Variants in SLFN12L observed in about 807,000 individuals in gnomAD.
SLFN12L encodes the protein schlafen family member 12-like.
In SLFN12L, 34 loss-of-function variants were observed where a neutral mutation model predicts 34.8. That is an observed-to-expected ratio of 0.98 (90% CI 0.74 to 1.30). SLFN12L has a LOEUF of 1.30. SLFN12L is among the 50% of genes most tolerant of loss of function. SLFN12L has a pLI of 0.00. For synonymous variants in SLFN12L, 259 were observed against 247.5 expected (o/e 1.05, Z -0.44); for missense variants, 703 against 696.2 (o/e 1.01, Z -0.11).
rs116037294 is a variant in SLFN12L, at chr17:35,465,224, C to A, written c.*9699G>T. Among the ~76,000 whole-genome samples the A allele has an allele frequency of 6.6e-6, 1 of 152,136 alleles. No homozygotes were observed. The highest frequency in any genetic ancestry group is 6.5e-5 in the Admixed American group (1 of 15,274). On this transcript the variant is annotated 3_prime_UTR_variant, in exon 5 of 5. Transcript: ENST00000628453. The stretch of plus-strand genomic sequence containing the variant: ...TAACTTTAACATTTGCCAAAATGCA[C>A]CAATTGAGAAACCTCGTGGACTTAA...
chr17:35,488,002 A>T, intron 2 of SLFN12L: 3 of 656,072 alleles, frequency 4.6e-6, no homozygotes, highest in Non-Finnish European at 5.6e-6. Flanking sequence ...AGCTTAGGAG[A>T]TAGAGACCAT....
intron 2 of SLFN12L, among the ~76,000 whole-genome samples, chr17:35,504,100 A>G (rs543504450): frequency 6.6e-6 from 1 of 152,362 alleles, no homozygotes; most frequent in South Asian, 2.1e-4. Context: ...AAACTATTGC[A>G]TTTAATGCTT....
At chr17:35,498,507 C>G in intron 2 of SLFN12L, 1 of 1,221,286 alleles carries the variant, frequency 8.2e-7, no homozygotes, top group Non-Finnish European at 1.2e-6. Flanking sequence ...TCTCCTTTAT[C>G]CTCTCTTTGT....
chr17:35,498,213 G>T, intron 2 of SLFN12L: 1 of 757,200 alleles, frequency 1.3e-6, no homozygotes, highest in Non-Finnish European at 2.4e-6. Context: ...GGGATGTTCA[G>T]TCATGAAATG....
chr17:35,515,798 C>A (rs1398084349), intron 2 of SLFN12L, among the ~76,000 whole-genome samples: 1 of 151,818 alleles, frequency 6.6e-6, no homozygotes, highest in African/African-American at 2.4e-5. Flanking sequence ...AGCCCACCAC[C>A]ACACCCGGCT....
At chr17:35,506,818 C>T (rs1915477527) in intron 2 of SLFN12L, among the ~76,000 whole-genome samples, 1 of 152,170 alleles carries the variant, frequency 6.6e-6, no homozygotes, top group Non-Finnish European at 1.5e-5. Flanking sequence ...TCAAAAGACT[C>T]ACCCTGATAA....
At chr17:35,486,323 T>C (rs1464516166) in intron 2 of SLFN12L, among the ~76,000 whole-genome samples, 1 of 152,196 alleles carries the variant, frequency 6.6e-6, no homozygotes, top group Non-Finnish European at 1.5e-5. Flanking sequence ...TATCAGGCCT[T>C]GCCCTGGATG....
chr17:35,497,106 C>T (rs2142146539), intron 2 of SLFN12L, among the ~76,000 whole-genome samples: 1 of 152,246 alleles, frequency 6.6e-6, no homozygotes, highest in East Asian at 1.9e-4. Context: ...AAAAACAAAA[C>T]TAGACCGAGC....
Position 35,472,647 on chromosome 17 carries a change from T to C in SLFN12L, c.*2276A>G, listed in dbSNP as rs535570259. Reference sequence around the variant, plus strand: ...CTTTGATTCCATATGAAATTTAATTTCATTTAATTCTGATTTGATTCCATA... The same window carrying C: ...CTTTGATTCCATATGAAATTTAATTCCATTTAATTCTGATTTGATTCCATA... On this transcript the variant is annotated 3_prime_UTR_variant, in exon 5 of 5. Transcript: ENST00000628453. 6.6e-6 allele frequency among the ~76,000 whole-genome samples: 1 copy of C among 152,362 alleles called. No homozygotes were observed. The highest frequency in any genetic ancestry group is 2.4e-5 in the African/African-American group (1 of 41,578).
chr17:35,471,426 C>T lies in SLFN12L; in HGVS notation c.*3497G>A, dbSNP rs59812806. ...TGCTGGGATTACAGGCATGAGCCAC[C>T]GCGCCACGCCTGCATGTATCTTTAT... is the stretch of plus-strand genomic sequence containing the variant. On this transcript the variant is annotated 3_prime_UTR_variant, in exon 5 of 5. Coordinates refer to ENST00000628453, the MANE Select transcript of SLFN12L (RefSeq NM_001363830.2). 5.3e-3 allele frequency among the ~76,000 whole-genome samples: 814 copies of T among 152,234 alleles called. 6 individuals are homozygous for T. Among genetic ancestry groups the T allele is most frequent in the African/African-American group, 0.018 (764 of 41,534 alleles).
At chr17:35,480,546 T>A (rs911127517) in intron 2 of SLFN12L, 18 of 188,568 alleles carry the variant, frequency 9.5e-5, no homozygotes, top group Non-Finnish European at 1.8e-4. Flanking sequence ...ATTTTCTCAG[T>A]GGACAAGGTT....
Position 35,475,075 on chromosome 17 carries a change from C to G in SLFN12L, c.1687G>C (p.Glu563Gln), listed in dbSNP as rs1282869691. 2.5e-6 allele frequency: 4 copies of G among 1,614,078 alleles called. No homozygotes were observed. The South Asian group carries it at 4.4e-5, about 18-fold the overall frequency. The change falls in exon 5 of 5, where the codon GAA (glutamate) becomes CAA (glutamine). Residue 563 changes from glutamate to glutamine, a missense_variant. Transcript: ENST00000628453. ...TGAGCTGTTGTCCAATAGTAGGATT[C>G]AGGGTAAATTACTTGCGAGTTTAAA... ...YDLNSQVIYP[E>Q]SYYWTTAQTM...
chr17:35,474,798 G>C lies in SLFN12L; in HGVS notation c.*125C>G. ...AAAAAAAAAATTAGCCAGGTGTGGTGGCAGGCACATGTAATCCCAGCTACT... is the reference window on the plus strand; with the variant it reads ...AAAAAAAAAATTAGCCAGGTGTGGTCGCAGGCACATGTAATCCCAGCTACT... On this transcript the variant is annotated 3_prime_UTR_variant, in exon 5 of 5. Coordinates refer to ENST00000628453, the MANE Select transcript of SLFN12L (RefSeq NM_001363830.2). 1 of 937,764 alleles carries C rather than the reference G, an allele frequency of 1.1e-6. No individual in the cohort carries two copies. Among genetic ancestry groups the C allele is most frequent in the South Asian group, 1.8e-5 (1 of 54,944 alleles). The allele number at this position is 937,764 out of a possible 1,614,324, so 58.1% of individuals were successfully genotyped here. A position where few individuals can be genotyped will look rare whatever the true frequency, so the allele number is the denominator to read the frequency against.
intron 2 of SLFN12L, chr17:35,487,685 T>C (rs1276342443): frequency 2.0e-6 from 3 of 1,525,278 alleles, no homozygotes; most frequent in South Asian, 1.2e-5. Context: ...TTGTATTTTC[T>C]AAGGCGAAAA....
Position 35,479,482 on chromosome 17 carries a change from T to C in SLFN12L, c.800A>G (p.Tyr267Cys). The C allele has an allele frequency of 6.2e-7, 1 of 1,614,190 alleles. No homozygotes were observed. The highest frequency in any genetic ancestry group is 8.5e-7 in the Non-Finnish European group (1 of 1,180,018). Residue 267 changes from tyrosine to cysteine, a missense_variant, in exon 3 of 5, where the codon TAT (tyrosine) becomes TGT (cysteine). Coordinates refer to ENST00000628453, the MANE Select transcript of SLFN12L (RefSeq NM_001363830.2). ...LQRITEILPQ[Y>C]VSAFANTDGG... The stretch of plus-strand genomic sequence containing the variant: ...ATCAGTATTTGCAAATGCAGAAACA[T>C]ATTGAGGGAGAATCTCTGTAATTCG...
chr17:35,476,672 G>A (rs554877095), intron 4 of SLFN12L, among the ~76,000 whole-genome samples: 1 of 151,736 alleles, frequency 6.6e-6, no homozygotes, highest in Non-Finnish European at 1.5e-5. Context: ...CAGACTTTAA[G>A]ACCCCAGAAG....
rs920932134 is a variant in SLFN12L at position 35,478,671 on chromosome 17, C to T, written c.1165+446G>A. 3.3e-5 allele frequency among the ~76,000 whole-genome samples: 5 copies of T among 152,136 alleles called. No homozygotes were observed. In the East Asian group the frequency reaches 9.6e-4, roughly 29 times the overall value. ...TCTTATTGGTACAATTTAGGTTACT[C>T]TTTGGCTCATAAATGTGAGAGGAAG... On this transcript the variant is annotated intron_variant, in intron 3 of 4. Coordinates refer to ENST00000628453, the MANE Select transcript of SLFN12L (RefSeq NM_001363830.2).
At chr17:35,512,994 T>C (rs1271457938) in intron 2 of SLFN12L, among the ~76,000 whole-genome samples, 1 of 152,130 alleles carries the variant, frequency 6.6e-6, no homozygotes, top group Non-Finnish European at 1.5e-5. Flanking sequence ...CTCCTCTATT[T>C]GCCCTTTGAC....
In SLFN12L at chr17:35,471,268, C is replaced by G. The variant is rs375954125; in HGVS notation, c.*3655G>C. 2.0e-5 allele frequency among the ~76,000 whole-genome samples: 3 copies of G among 151,870 alleles called. No homozygotes were observed. Among genetic ancestry groups the G allele is most frequent in the African/African-American group, 7.3e-5 (3 of 41,306 alleles). On this transcript the variant is annotated 3_prime_UTR_variant, in exon 5 of 5. Coordinates refer to ENST00000628453, the MANE Select transcript of SLFN12L (RefSeq NM_001363830.2). The stretch of plus-strand genomic sequence containing the variant: ...TTTCATGTCTCAGCCTCCCAAGTAG[C>G]TGGGATTACAGACGCCTACCACCAC...
Sources: gnomAD v4.1 joint callset for allele counts (sites outside exome capture counted in the v4.1 genomes callset) on GRCh38, gnomAD v4.1.1 for gene constraint, MANE v1.5 for transcripts, NCBI Gene and HGNC (gene_info 2026-07-23, HGNC 2026-07-21) for gene names.